The following TMEM132C variants were observed in gnomAD, a reference collection of about 807,000 sequenced individuals.
The protein encoded by TMEM132C is protein phosphatase 1, regulatory subunit 152.
A neutral mutation model predicts 61.4 loss-of-function variants in TMEM132C; 29 were observed. The ratio of observed to expected loss-of-function variants is 0.47; its 90% CI spans 0.35 to 0.64. The LOEUF (loss-of-function observed/expected upper bound fraction) is 0.64. Among genes scored for constraint, TMEM132C ranks in the 30% least tolerant of loss-of-function variants. TMEM132C has a pLI of 0.00. For missense variants in TMEM132C, 1,408 were observed against 1,476.9 expected (o/e 0.95, Z 0.76); for synonymous variants, 656 against 633.1 (o/e 1.04, Z -0.54).
intron 1 of TMEM132C, among the ~76,000 whole-genome samples, chr12:128,333,342 T>G (rs899111564): frequency 5.9e-5 from 9 of 152,170 alleles, no homozygotes; most frequent in African/African-American, 2.2e-4. Flanking sequence ...TGTGTGTATG[T>G]GTGTAAGTGT....
chr12:128,684,221 G>A (rs183749557), intron 5 of TMEM132C, among the ~76,000 whole-genome samples: 4 of 151,688 alleles, frequency 2.6e-5, no homozygotes, highest in African/African-American at 4.9e-5. Flanking sequence ...TCTCCCACTC[G>A]TTTCTGTATC....
chr12:128,635,191 G>A (rs7137114), intron 4 of TMEM132C, among the ~76,000 whole-genome samples: 57,450 of 152,090 alleles, frequency 0.38, 12,918 homozygotes, highest in African/African-American at 0.64. Context: ...ATTCTAAACA[G>A]CAAACTTGCT....
Position 128,570,984 on chromosome 12 carries a change from A to C in TMEM132C, c.1121+26881A>C, listed in dbSNP as rs570693507. Among the ~76,000 whole-genome samples the C allele has an allele frequency of 1.3e-5, 2 of 152,318 alleles. No homozygotes were observed. The highest frequency in any genetic ancestry group is 3.9e-4 in the East Asian group (2 of 5,188). ...CAGGGCTTTGTTAGCAAGAAAGAAGAAAAGGATGGATGTCAGGGAAGCAAC... is the reference window on the plus strand; with the variant it reads ...CAGGGCTTTGTTAGCAAGAAAGAAGCAAAGGATGGATGTCAGGGAAGCAAC... On this transcript the variant is annotated intron_variant, in intron 3 of 8. Transcript: ENST00000435159. This position sits in a 1 kb window ranked among gnomAD's most constrained non-coding sequence, Gnocchi z 4.7.
intron 1 of TMEM132C, among the ~76,000 whole-genome samples, chr12:128,273,108 A>G (rs1592992534): frequency 6.6e-6 from 1 of 152,178 alleles, no homozygotes; most frequent in Non-Finnish European, 1.5e-5. Flanking sequence ...GGTCTTCTAT[A>G]TTCCTACTGA....
At chr12:128,270,415 C>G (rs1361728215) in intron 1 of TMEM132C, among the ~76,000 whole-genome samples, 1 of 152,160 alleles carries the variant, frequency 6.6e-6, no homozygotes, top group Non-Finnish European at 1.5e-5. Flanking sequence ...ATGTATGAAT[C>G]TTTACCTAAA....
intron 1 of TMEM132C, among the ~76,000 whole-genome samples, chr12:128,329,293 T>G (rs1690291262): frequency 6.6e-6 from 1 of 152,144 alleles, no homozygotes; most frequent in Non-Finnish European, 1.5e-5. Context: ...TTAAAATATA[T>G]ATATATACTT....
At chr12:128,510,032 G>T (rs1205337234) in intron 2 of TMEM132C, among the ~76,000 whole-genome samples, 1 of 152,284 alleles carries the variant, frequency 6.6e-6, no homozygotes, top group East Asian at 1.9e-4. Flanking sequence ...ATGCAGAAAG[G>T]TTAGAAATTG....
At chr12:128,485,992 T>A (rs1291086894) in intron 2 of TMEM132C, among the ~76,000 whole-genome samples, 1 of 152,150 alleles carries the variant, frequency 6.6e-6, no homozygotes, top group Non-Finnish European at 1.5e-5. Flanking sequence ...AAATGGCTTC[T>A]CCCTGGATAG....
At chr12:128,478,160 A>C (rs537193343) in intron 2 of TMEM132C, among the ~76,000 whole-genome samples, 3 of 152,336 alleles carry the variant, frequency 2.0e-5, no homozygotes, top group Admixed American at 2.0e-4. Context: ...AGGTCAATGC[A>C]TCATTTCCTT....
intron 1 of TMEM132C, among the ~76,000 whole-genome samples, chr12:128,410,286 C>G (rs1005270249): frequency 6.6e-6 from 1 of 152,152 alleles, no homozygotes; most frequent in Admixed American, 6.5e-5. Flanking sequence ...TGTTTCCTTT[C>G]ACCTGAGTTC....
intron 5 of TMEM132C, among the ~76,000 whole-genome samples, chr12:128,683,175 T>C (rs1453696606): frequency 6.6e-6 from 1 of 152,148 alleles, no homozygotes; most frequent in Non-Finnish European, 1.5e-5. Flanking sequence ...AACCCCCTTG[T>C]AAACACCCTT....
chr12:128,676,519 C>G (rs1954588496), intron 5 of TMEM132C, among the ~76,000 whole-genome samples: 1 of 152,100 alleles, frequency 6.6e-6, no homozygotes, highest in African/African-American at 2.4e-5. Context: ...ACCTTTACTC[C>G]CATCACCCTT....
chr12:128,382,826 T>C (rs1320005614), intron 1 of TMEM132C, among the ~76,000 whole-genome samples: 2 of 152,234 alleles, frequency 1.3e-5, no homozygotes, highest in Non-Finnish European at 2.9e-5. Flanking sequence ...CTGAGTGTTA[T>C]GTGGTATGTA....
intron 3 of TMEM132C, among the ~76,000 whole-genome samples, chr12:128,598,716 C>A (rs934443249): frequency 4.6e-5 from 7 of 152,142 alleles, no homozygotes; most frequent in African/African-American, 1.7e-4. Context: ...CTCGGGGAAC[C>A]CTCTAACCCC....
At chr12:128,406,166 C>A (rs1303213497) in intron 1 of TMEM132C, among the ~76,000 whole-genome samples, 3 of 152,228 alleles carry the variant, frequency 2.0e-5, no homozygotes, top group Non-Finnish European at 4.4e-5. Flanking sequence ...GGCTCCAATT[C>A]TTCCTACCAC....
chr12:128,412,974 T>C (rs181730430), intron 1 of TMEM132C, among the ~76,000 whole-genome samples: 2 of 152,282 alleles, frequency 1.3e-5, no homozygotes, highest in African/African-American at 4.8e-5. Flanking sequence ...CATAGAGGTA[T>C]GAATGTTGTG....
At chr12:128,369,851 T>C (rs1873978176) in intron 1 of TMEM132C, among the ~76,000 whole-genome samples, 1 of 152,224 alleles carries the variant, frequency 6.6e-6, no homozygotes, top group Non-Finnish European at 1.5e-5. Context: ...GTTCCTCATT[T>C]GTTCCTATTT....
At chr12:128,493,409 G>A (rs575854859) in intron 2 of TMEM132C, among the ~76,000 whole-genome samples, 1 of 152,230 alleles carries the variant, frequency 6.6e-6, no homozygotes, top group Non-Finnish European at 1.5e-5. Context: ...AGCTTGATGG[G>A]GATGGCATTG....
At position 128,605,940 on chromosome 12, in the gene TMEM132C, T is replaced by C. The variant is rs113429775; in HGVS notation, c.1122-10212T>C. Among the ~76,000 whole-genome samples the C allele has an allele frequency of 6.3e-3, 960 of 152,346 alleles. 7 individuals are homozygous for C. The highest frequency in any genetic ancestry group is 0.017 in the Middle Eastern group (5 of 294). Reference sequence around the variant, plus strand: ...GAGAATCACTTTGAAAGATTCATCATTTTTTGGCAGAACCCTCTGCCCAGC... The same window carrying C: ...GAGAATCACTTTGAAAGATTCATCACTTTTTGGCAGAACCCTCTGCCCAGC... On this transcript the variant is annotated intron_variant, in intron 3 of 8. Coordinates refer to ENST00000435159, the MANE Select transcript of TMEM132C (RefSeq NM_001136103.3).
Sources: allele counts gnomAD v4.1 joint callset (sites outside exome capture counted in the v4.1 genomes callset), GRCh38; gene constraint gnomAD v4.1.1; non-coding constraint Gnocchi (gnomAD v3.1); transcripts MANE v1.5; gene names NCBI Gene and HGNC (gene_info 2026-07-23, HGNC 2026-07-21).